SPTBN1: variants seen among roughly 807,000 people sequenced by gnomAD.
SPTBN1 encodes spectrin beta, non-erythrocytic 1, also known as spectrin beta chain, non-erythrocytic 1.
A neutral mutation model predicts 266.4 loss-of-function variants in SPTBN1; 32 were observed. The observed-to-expected ratio is 0.12, with a 90% CI of 0.09 to 0.16. The LOEUF (loss-of-function observed/expected upper bound fraction) is 0.16, where lower values mean the gene tolerates loss of function less well. SPTBN1 is among the 10% of genes least tolerant of loss of function. SPTBN1 has a pLI of 1.00. For synonymous variants in SPTBN1, 1,336 were observed against 1,162.2 expected, an observed-to-expected ratio of 1.15 and a Z score of -3.04; for missense variants, 2,296 against 3,067.1, an observed-to-expected ratio of 0.75 and a Z score of 5.94.
intron 1 of SPTBN1, among the ~76,000 whole-genome samples, chr2:54,485,174 G>A (rs1017202870): frequency 1.3e-5 from 2 of 150,378 alleles, no homozygotes; most frequent in Non-Finnish European, 3.0e-5. Flanking sequence ...CTCTCCCTCC[G>A]TCTCCCTCTC....
In SPTBN1 at chr2:54,656,142, A is replaced by G. The variant is rs1054863977; in HGVS notation, c.6046+144A>G. The G allele has an allele frequency of 3.5e-5, 22 of 634,334 alleles. No individual in the cohort carries two copies. In the Admixed American group the frequency reaches 5.8e-4, roughly 17 times the overall value. The allele number at this position is 634,334 out of a possible 1,614,324, so 39.3% of individuals were successfully genotyped here. On this transcript the variant is annotated intron_variant, in intron 29 of 35. Coordinates refer to ENST00000356805, the MANE Select transcript of SPTBN1 (RefSeq NM_003128.3). ...TTTTAGTGCCCCGTTTCACCATTTC[A>G]TGGTAAATACTACTTTTAAGAAGCT...
In SPTBN1 at chr2:54,457,947, G is replaced by A. The variant is rs188088953; in HGVS notation, c.-48+1429G>A. 5.1e-3 allele frequency among the ~76,000 whole-genome samples: 781 copies of A among 152,336 alleles called. 1 individual carries two copies. The highest frequency in any genetic ancestry group is 0.018 in the African/African-American group (763 of 41,572). On this transcript the variant is annotated intron_variant, in intron 1 of 35. Transcript: ENST00000356805. ...GGTTGCGGATCGGAATCTGATCTGC[G>A]ACCAGGGGACCTGAGCCATAGGGAG...
chr2:54,632,457 G>C (rs1678814832), intron 16 of SPTBN1, 109 bp from the exon 17 acceptor site: 1 of 1,128,556 alleles, frequency 8.9e-7, no homozygotes, highest in Non-Finnish European at 1.3e-6. Flanking sequence ...ATTATTTCAT[G>C]TAAGTGTAAT....
chr2:54,549,748 AG>A (rs1327196322), intron 2 of SPTBN1, among the ~76,000 whole-genome samples: 2 of 152,150 alleles, frequency 1.3e-5, no homozygotes, highest in East Asian at 3.9e-4. Context: ...TTCCTAGAGA[AG>A]GGAAGGCTTT....
chr2:54,487,832 C>CTGTTTTTTTTTTTTTTTTTTTT (rs1426296541), intron 1 of SPTBN1, among the ~76,000 whole-genome samples: 1 of 68,644 alleles, frequency 1.5e-5, no homozygotes, highest in Non-Finnish European at 2.6e-5. Context: ...CCTCCTGTGT[C>CTGTTTTTTTTTTTTTTTTTTTT]TTTTTTTTTT....
intron 1 of SPTBN1, among the ~76,000 whole-genome samples, chr2:54,512,784 T>G (rs1302771956): frequency 6.6e-6 from 1 of 152,232 alleles, no homozygotes; most frequent in Non-Finnish European, 1.5e-5. Flanking sequence ...GAAGAAGCAC[T>G]ATGTTTTAGA....
rs566046989 is a variant in SPTBN1 at position 54,575,732 on chromosome 2, T to A, written c.149-23360T>A. Among the ~76,000 whole-genome samples, 73 of 152,348 alleles carry A rather than the reference T, an allele frequency of 4.8e-4. No homozygotes were observed. The South Asian group carries it at 0.014, about 29-fold the overall frequency. On this transcript the variant is annotated intron_variant, in intron 2 of 35. Transcript: ENST00000356805. ...CATCTGTTATGATGCAATTAAGCAG[T>A]GACTCAGTGGCGTGAAGGCTCAGTT... is the stretch of plus-strand genomic sequence containing the variant.
At chr2:54,524,954 T>A (rs1670711056) in intron 1 of SPTBN1, among the ~76,000 whole-genome samples, 1 of 152,224 alleles carries the variant, frequency 6.6e-6, no homozygotes. Context: ...CTGTCATTTT[T>A]TTTTATTTAA....
At chr2:54,582,393 C>T (rs1406179976) in intron 2 of SPTBN1, among the ~76,000 whole-genome samples, 1 of 151,834 alleles carries the variant, frequency 6.6e-6, no homozygotes, top group Non-Finnish European at 1.5e-5. Flanking sequence ...GAGAAGCACC[C>T]TCCATTTAGA....
At chr2:54,584,376 T>C (rs1322624463) in intron 2 of SPTBN1, among the ~76,000 whole-genome samples, 1 of 152,264 alleles carries the variant, frequency 6.6e-6, no homozygotes, top group Non-Finnish European at 1.5e-5. Flanking sequence ...ACATCTTCGT[T>C]TTCTTGCACA....
chr2:54,652,877 TTTTCTTTCTTTC>T (rs71408781), intron 26 of SPTBN1: 6 of 151,066 alleles, frequency 4.0e-5, no homozygotes, highest in South Asian at 2.1e-4. Context: ...GGTTTTTTTC[TTTTCTTTCTTTC>T]TTTCTTTCTT....
chr2:54,506,892 C>T (rs377733641), intron 1 of SPTBN1, among the ~76,000 whole-genome samples: 1 of 8,344 alleles, frequency 1.2e-4, no homozygotes, highest in Non-Finnish European at 1.9e-4. Flanking sequence ...CTGGTTCTCT[C>T]TCTTTTTTTT....
At position 54,653,428 on chromosome 2, in the gene SPTBN1, A is replaced by T; in HGVS notation, c.5578-181A>T. 1.1e-6 allele frequency: 1 copy of T among 870,976 alleles called. No individual in the cohort carries two copies. Among genetic ancestry groups the T allele is most frequent in the Non-Finnish European group, 1.7e-6 (1 of 584,016 alleles). 54.0% of individuals were successfully genotyped at this position (870,976 alleles called of 1,614,324 possible). ...CTTAATAATGTAGTTGAACAGATTTATAGAAAACGGGTTTTTGTGACTTGG... is the reference window on the plus strand; with the variant it reads ...CTTAATAATGTAGTTGAACAGATTTTTAGAAAACGGGTTTTTGTGACTTGG... On this transcript the variant is annotated intron_variant, in intron 26 of 35. Coordinates refer to ENST00000356805, the MANE Select transcript of SPTBN1 (RefSeq NM_003128.3). This position sits in a 1 kb window ranked among gnomAD's most constrained non-coding sequence, Gnocchi z 5.1.
intron 18 of SPTBN1, among the ~76,000 whole-genome samples, chr2:54,642,769 T>C (rs79086971): frequency 0.023 from 3,431 of 152,266 alleles, 149 homozygotes; most frequent in African/African-American, 0.078. Flanking sequence ...CTGGAATGAA[T>C]GTTAGATATA....
chr2:54,580,204 G>A (rs748091190), intron 2 of SPTBN1, among the ~76,000 whole-genome samples: 3 of 152,148 alleles, frequency 2.0e-5, no homozygotes, highest in Non-Finnish European at 2.9e-5. Context: ...TTTCTTTAAA[G>A]TAAAACCCCT....
At chr2:54,596,604 G>C (rs1225575771) in intron 2 of SPTBN1, among the ~76,000 whole-genome samples, 1 of 152,186 alleles carries the variant, frequency 6.6e-6, no homozygotes, top group Admixed American at 6.5e-5. Context: ...CACTTCGTGG[G>C]GCCTGCTCCT....
chr2:54,484,940 G>A (rs558980742), intron 1 of SPTBN1, among the ~76,000 whole-genome samples: 1 of 152,304 alleles, frequency 6.6e-6, no homozygotes, highest in Admixed American at 6.5e-5. Flanking sequence ...GTTCTTGAGT[G>A]TCGTGTAAAA....
intron 18 of SPTBN1, among the ~76,000 whole-genome samples, chr2:54,640,688 A>G (rs1346386753): frequency 5.3e-5 from 8 of 152,146 alleles, no homozygotes; most frequent in Admixed American, 1.3e-4. Context: ...AGTAGCTGGG[A>G]TTCCAGGCAT....
chr2:54,476,675 C>A (rs1667851853), intron 1 of SPTBN1, among the ~76,000 whole-genome samples: 1 of 152,066 alleles, frequency 6.6e-6, no homozygotes, highest in African/African-American at 2.4e-5. Context: ...TTTGGGATAC[C>A]CTAATTTGTC....
Sources: gnomAD v4.1 joint callset for allele counts (sites outside exome capture counted in the v4.1 genomes callset) on GRCh38, gnomAD v4.1.1 for gene constraint, Gnocchi (gnomAD v3.1) non-coding constraint, MANE v1.5 for transcripts, NCBI Gene and HGNC (gene_info 2026-07-23, HGNC 2026-07-21) for gene names.